VWC2L: variants seen among roughly 807,000 people sequenced by gnomAD.
The protein encoded by VWC2L is von Willebrand factor C domain-containing protein 2-like.
VWC2L carries 10 observed loss-of-function variants against 21.6 expected under a neutral mutation model. The ratio of observed to expected loss-of-function variants is 0.46; its 90% confidence interval spans 0.29 to 0.78. The LOEUF (loss-of-function observed/expected upper bound fraction) is 0.78. VWC2L is among the 30% of genes least tolerant of loss of function. The probability of loss-of-function intolerance (pLI) is 0.10; values close to 1 mark genes in which losing one functional copy is unlikely to be tolerated. For missense variants in VWC2L, 209 were observed against 277.1 expected (o/e 0.75, Z 1.74); for synonymous variants, 96 against 94.3 (o/e 1.02, Z -0.10).
chr2:214,506,762 TTTAG>T (rs1445542755), intron 3 of VWC2L, among the ~76,000 whole-genome samples: 3 of 152,144 alleles, frequency 2.0e-5, no homozygotes, highest in African/African-American at 4.8e-5. Flanking sequence ...TGATCACTCA[TTTAG>T]TTAATTATGG....
chr2:214,443,774 A>T (rs1225215806), intron 3 of VWC2L, among the ~76,000 whole-genome samples: 2 of 152,212 alleles, frequency 1.3e-5, no homozygotes, highest in Non-Finnish European at 2.9e-5. Context: ...ATAGACAAGG[A>T]TGTCTACTAT....
Position 214,539,149 on chromosome 2 carries a change from T to C in VWC2L, c.521-36523T>C, listed in dbSNP as rs2105920038. On this transcript the variant is annotated intron_variant, in intron 3 of 3. Coordinates refer to ENST00000312504, the MANE Select transcript of VWC2L (RefSeq NM_001080500.4). ...GGATGCCACACTGCCTCTGATTTGT[T>C]TGGAGACTACTGCACTTGATTAAGA... Among the ~76,000 whole-genome samples, 3 of 152,208 alleles carry C rather than the reference T, an allele frequency of 2.0e-5. No individual in the cohort carries two copies. The Middle Eastern group carries it at 0.01, about 518-fold the overall frequency.
At chr2:214,515,714 C>T (rs756987690) in intron 3 of VWC2L, among the ~76,000 whole-genome samples, 7 of 151,984 alleles carry the variant, frequency 4.6e-5, no homozygotes, top group East Asian at 3.9e-4. Context: ...CCACCAGTCC[C>T]GGCTAATTTT....
intron 3 of VWC2L, among the ~76,000 whole-genome samples, chr2:214,506,882 C>T (rs1156932285): frequency 1.3e-5 from 2 of 151,694 alleles, no homozygotes; most frequent in African/African-American, 4.8e-5. Flanking sequence ...TTTTAAAAGT[C>T]TGTGTCTAAA....
intron 3 of VWC2L, among the ~76,000 whole-genome samples, chr2:214,495,817 C>T (rs1688804184): frequency 6.6e-6 from 1 of 152,138 alleles, no homozygotes; most frequent in Non-Finnish European, 1.5e-5. Flanking sequence ...TAAAAGGAAG[C>T]ATAACCTCTT....
chr2:214,483,541 C>A (rs550034833), intron 3 of VWC2L, among the ~76,000 whole-genome samples: 2 of 152,188 alleles, frequency 1.3e-5, no homozygotes, highest in East Asian at 3.9e-4. Context: ...AATCTGTTCT[C>A]TTTTATCAAT....
intron 3 of VWC2L, among the ~76,000 whole-genome samples, chr2:214,494,878 A>G (rs1354142632): frequency 6.6e-6 from 1 of 152,002 alleles, no homozygotes; most frequent in Non-Finnish European, 1.5e-5. Context: ...CTTTCTGGAA[A>G]AGTGACAAAT....
chr2:214,575,567 T>C (rs1245774264), intron 3 of VWC2L, 105 bp from the exon 4 acceptor site: 2 of 1,237,874 alleles, frequency 1.6e-6, no homozygotes, highest in African/African-American at 3.0e-5. Context: ...GTCAGTAGAG[T>C]AGTCTGACTT....
At chr2:214,414,862 C>T (rs544165442) in intron 2 of VWC2L, 8 of 391,158 alleles carry the variant, frequency 2.0e-5, no homozygotes, top group East Asian at 1.8e-4. Flanking sequence ...CATTTCTTCT[C>T]TGTTATTACA....
chr2:214,417,330 C>T (rs988975263), intron 2 of VWC2L, among the ~76,000 whole-genome samples: 9 of 150,578 alleles, frequency 6.0e-5, no homozygotes, highest in African/African-American at 2.0e-4. Context: ...AAGACATGAT[C>T]GATGTGAAGA....
chr2:214,513,361 G>C (rs562006750), intron 3 of VWC2L, among the ~76,000 whole-genome samples: 2 of 152,060 alleles, frequency 1.3e-5, no homozygotes, highest in African/African-American at 4.8e-5. Context: ...TTTGTGAGCT[G>C]ATTATTGAAT....
At chr2:214,460,415 T>TA (rs141342879) in intron 3 of VWC2L, among the ~76,000 whole-genome samples, 4,048 of 152,294 alleles carry the variant, frequency 0.027, 81 homozygotes, top group Middle Eastern at 0.041. Context: ...GGTTGCTTTA[T>TA]AGTACTCTAT....
chr2:214,563,930 T>C (rs1346041189), intron 3 of VWC2L, among the ~76,000 whole-genome samples: 2 of 152,102 alleles, frequency 1.3e-5, no homozygotes, highest in African/African-American at 2.4e-5. Context: ...TGATCCTATA[T>C]CTAAGAAAAC....
intron 3 of VWC2L, among the ~76,000 whole-genome samples, chr2:214,567,769 G>A (rs11893048): frequency 0.69 from 104,250 of 151,926 alleles, 37,521 homozygotes; most frequent in East Asian, 0.83. Context: ...CCCACCCCAC[G>A]CACTTATTAA....
intron 3 of VWC2L, among the ~76,000 whole-genome samples, chr2:214,512,523 A>G (rs928913941): frequency 1.3e-5 from 2 of 152,168 alleles, no homozygotes; most frequent in Non-Finnish European, 2.9e-5. Context: ...TTACCTATGT[A>G]ACAAACCTGC....
At chr2:214,506,443 A>G (rs140967960) in intron 3 of VWC2L, among the ~76,000 whole-genome samples, 44 of 152,294 alleles carry the variant, frequency 2.9e-4, no homozygotes, top group Admixed American at 1.5e-3. Flanking sequence ...TATCATTATT[A>G]AGAATTTCTT....
At chr2:214,539,237 G>A (rs757431963) in intron 3 of VWC2L, among the ~76,000 whole-genome samples, 2 of 152,196 alleles carry the variant, frequency 1.3e-5, no homozygotes, top group South Asian at 2.1e-4. Context: ...GAGCAACAAC[G>A]CATAACCCAA....
intron 1 of VWC2L, among the ~76,000 whole-genome samples, chr2:214,412,035 A>T (rs1702281537): frequency 6.6e-6 from 1 of 150,882 alleles, no homozygotes; most frequent in African/African-American, 2.4e-5. Context: ...CTTTTTTTTA[A>T]AAAAAAAATA....
At chr2:214,566,727 A>T (rs1690068179) in intron 3 of VWC2L, among the ~76,000 whole-genome samples, 1 of 152,174 alleles carries the variant, frequency 6.6e-6, no homozygotes, top group Non-Finnish European at 1.5e-5. Context: ...AGGCACCAAA[A>T]GGGCATCAGA....
Sources: gnomAD v4.1 joint callset for allele counts (sites outside exome capture counted in the v4.1 genomes callset) on GRCh38, gnomAD v4.1.1 for gene constraint, MANE v1.5 for transcripts, NCBI Gene and HGNC (gene_info 2026-07-23, HGNC 2026-07-21) for gene names.